Variants in FNBP1 observed in about 807,000 individuals in gnomAD.
FNBP1 encodes formin binding protein 1, also known as formin-binding protein 1.
A neutral mutation model predicts 90.6 loss-of-function variants in FNBP1; 26 were observed. The observed-to-expected ratio is 0.29, with a 90% CI of 0.21 to 0.40. FNBP1 has a LOEUF of 0.40. Among genes scored for constraint, FNBP1 ranks in the 10% least tolerant of loss-of-function variants. The probability of loss-of-function intolerance (pLI) is 1.00; values close to 1 mark genes in which losing one functional copy is unlikely to be tolerated. For synonymous variants in FNBP1, 260 were observed against 265.2 expected (o/e 0.98, Z 0.19); for missense variants, 635 against 768.0 (o/e 0.83, Z 2.05).
At chr9:129,914,773 A>ATATG (rs2039982361) in intron 11 of FNBP1, 1 of 132,876 alleles carries the variant, frequency 7.5e-6, no homozygotes, top group Non-Finnish European at 1.7e-5. Context: ...ATATATATAT[A>ATATG]TATATATATA....
At position 129,896,016 on chromosome 9, in the gene FNBP1, A is replaced by G; in HGVS notation, c.1688-20T>C. On this transcript the variant is annotated intron_variant, in intron 15 of 16. Coordinates refer to ENST00000446176, the MANE Select transcript of FNBP1 (RefSeq NM_015033.3). ...TCTGACCTGAAAAAGCAATATCAGG[A>G]TATGTTAGATGTCTTGGCAAATGCA... 6.3e-7 allele frequency: 1 copy of G among 1,596,704 alleles called. No homozygotes were observed.
intron 6 of FNBP1, among the ~76,000 whole-genome samples, chr9:129,932,514 T>G (rs2042917522): frequency 6.6e-6 from 1 of 152,204 alleles, no homozygotes; most frequent in African/African-American, 2.4e-5. Context: ...TTCCCTTATT[T>G]TCTTCCCTAT....
intron 6 of FNBP1, among the ~76,000 whole-genome samples, chr9:129,953,134 C>T (rs2046418507): frequency 6.6e-6 from 1 of 152,156 alleles, no homozygotes; most frequent in Non-Finnish European, 1.5e-5. Flanking sequence ...TAAAACGAAT[C>T]TCAACAAATA....
Position 129,929,557 on chromosome 9 carries a change from C to T in FNBP1, c.642+10G>A. 1.2e-6 allele frequency: 2 copies of T among 1,612,690 alleles called. No homozygotes were observed. The highest frequency in any genetic ancestry group is 1.7e-6 in the Non-Finnish European group (2 of 1,179,164). On this transcript the variant is annotated intron_variant, in intron 7 of 16. Coordinates refer to ENST00000446176, the MANE Select transcript of FNBP1 (RefSeq NM_015033.3). ...TAAAACATGAAATCTGAGAGATGTT[C>T]AGGACTTACCTGGAAGATGTTGGGG...
At chr9:129,929,468 G>T in intron 7 of FNBP1, 99 bp downstream of exon 7, 3 of 862,328 alleles carry the variant, frequency 3.5e-6, no homozygotes, top group East Asian at 5.8e-5. Context: ...TAAAGACTCA[G>T]ACTCAGAATA....
intron 16 of FNBP1, among the ~76,000 whole-genome samples, chr9:129,891,150 G>A (rs1383326036): frequency 1.0e-4 from 10 of 96,752 alleles, no homozygotes; most frequent in South Asian, 4.3e-4. Flanking sequence ...GCAAGACTCC[G>A]TCTTAAAAAA....
At chr9:129,997,390 TTTTAATA>T (rs1408784161) in intron 1 of FNBP1, among the ~76,000 whole-genome samples, 7 of 152,196 alleles carry the variant, frequency 4.6e-5, no homozygotes, top group African/African-American at 1.7e-4. Context: ...GACTAATAAT[TTTTAATA>T]TTTAAAGTTG....
rs1163454611 is a variant in FNBP1 at position 129,891,836 on chromosome 9, A to G, written c.1847-1290T>C. Among the ~76,000 whole-genome samples, 6 of 152,364 alleles carry G rather than the reference A, an allele frequency of 3.9e-5. No homozygotes were observed. In the East Asian group the frequency reaches 1.2e-3, roughly 29 times the overall value. On this transcript the variant is annotated intron_variant, in intron 16 of 16. Coordinates refer to ENST00000446176, the MANE Select transcript of FNBP1 (RefSeq NM_015033.3). ...AAAGAGTTAAATATTCATATTACACAGAATAATTTTCTTGGAAACATGAAA... is the reference window on the plus strand; with the variant it reads ...AAAGAGTTAAATATTCATATTACACGGAATAATTTTCTTGGAAACATGAAA...
the FNBP1 span, among the ~76,000 whole-genome samples, chr9:130,050,824 T>C: frequency 3.5e-5 from 1 of 28,826 alleles, no homozygotes. Context: ...GTTTTTTTTT[T>C]GTTTTTTTGT....
chr9:129,923,007 C>G (rs1454791881), intron 10 of FNBP1, among the ~76,000 whole-genome samples: 1 of 151,314 alleles, frequency 6.6e-6, no homozygotes, highest in Admixed American at 6.6e-5. Flanking sequence ...AGGCATGAGA[C>G]ACTGCGCTTG....
intron 1 of FNBP1, among the ~76,000 whole-genome samples, chr9:130,036,907 C>T (rs1036696904): frequency 7.2e-5 from 11 of 151,856 alleles, no homozygotes; most frequent in African/African-American, 2.2e-4. Flanking sequence ...TAGCCGGGCG[C>T]GGTGGCAGGC....
chr9:129,958,985 C>CAGAAAAAAAAAAAAAAAA (rs2047365949), intron 4 of FNBP1, among the ~76,000 whole-genome samples: 3 of 9,150 alleles, frequency 3.3e-4, no homozygotes, highest in Non-Finnish European at 5.6e-4. Context: ...AACTCTGCCT[C>CAGAAAAAAAAAAAAAAAA]AAAAAAAAAA....
chr9:130,002,654 T>C (rs2055039412), intron 1 of FNBP1, among the ~76,000 whole-genome samples: 1 of 152,218 alleles, frequency 6.6e-6, no homozygotes, highest in Non-Finnish European at 1.5e-5. Flanking sequence ...ATCAGAATTA[T>C]AAGCCAAACA....
intron 15 of FNBP1, among the ~76,000 whole-genome samples, chr9:129,898,386 AC>A (rs1249309527): frequency 6.6e-6 from 1 of 150,802 alleles, no homozygotes; most frequent in African/African-American, 2.4e-5. Context: ...TTCTGGCCAC[AC>A]CCCCCATGCC....
chr9:129,904,781 T>G (rs1195070386), intron 12 of FNBP1, among the ~76,000 whole-genome samples: 1 of 152,068 alleles, frequency 6.6e-6, no homozygotes, highest in Non-Finnish European at 1.5e-5. Flanking sequence ...TCACTGTCTG[T>G]CTCCTCCTGT....
chr9:130,039,096 C>T (rs1484077178), intron 1 of FNBP1, among the ~76,000 whole-genome samples: 1 of 152,192 alleles, frequency 6.6e-6, no homozygotes, highest in Non-Finnish European at 1.5e-5. Context: ...CTTACTAACA[C>T]TGCCTTTTTA....
chr9:129,987,866 A>C (rs1047358145), intron 2 of FNBP1, among the ~76,000 whole-genome samples: 2 of 152,032 alleles, frequency 1.3e-5, no homozygotes, highest in Non-Finnish European at 1.5e-5. Flanking sequence ...TGTACTGTTA[A>C]ATTTAAATTC....
intron 11 of FNBP1, among the ~76,000 whole-genome samples, chr9:129,910,348 G>A (rs1207018180): frequency 1.3e-5 from 2 of 152,046 alleles, no homozygotes; most frequent in African/African-American, 4.8e-5. Context: ...TGGGCGTGGT[G>A]GCGAGCGCCT....
upstream of FNBP1, among the ~76,000 whole-genome samples, chr9:130,046,853 G>A (rs999000948): frequency 5.3e-5 from 8 of 150,384 alleles, no homozygotes; most frequent in Non-Finnish European, 7.4e-5. Flanking sequence ...TCCTTCCCCC[G>A]TACTCCATAT....
Sources: allele counts gnomAD v4.1 joint callset (sites outside exome capture counted in the v4.1 genomes callset), GRCh38; gene constraint gnomAD v4.1.1; transcripts MANE v1.5; gene names NCBI Gene and HGNC (gene_info 2026-07-23, HGNC 2026-07-21).